GRM7: variants seen among roughly 807,000 people sequenced by gnomAD.
GRM7 encodes the protein metabotropic glutamate receptor 7.
A neutral mutation model predicts 84.5 loss-of-function variants in GRM7; 35 were observed. The ratio of observed to expected loss-of-function variants is 0.41; its 90% CI spans 0.32 to 0.55. GRM7 has a LOEUF of 0.55. Ranked by LOEUF, GRM7 falls within the 20% of genes least tolerant of loss-of-function variation. GRM7 has a pLI of 0.19. For synonymous variants in GRM7, 487 were observed against 455.1 expected, an observed-to-expected ratio of 1.07 and a Z score of -0.89; for missense variants, 1,003 against 1,194.6, an observed-to-expected ratio of 0.84 and a Z score of 2.36.
intron 1 of GRM7, among the ~76,000 whole-genome samples, chr3:7,067,719 G>T (rs1697718558): frequency 6.6e-6 from 1 of 151,908 alleles, no homozygotes; most frequent in Admixed American, 6.6e-5. Flanking sequence ...CTATTGGCCA[G>T]AATTTAGTCG....
At chr3:7,140,027 A>G (rs1480424899) in intron 1 of GRM7, among the ~76,000 whole-genome samples, 1 of 152,050 alleles carries the variant, frequency 6.6e-6, no homozygotes, top group Non-Finnish European at 1.5e-5. Flanking sequence ...TCTTCAAAGG[A>G]GACCTACAAA....
chr3:7,491,475 G>C (rs17047461), intron 7 of GRM7, among the ~76,000 whole-genome samples: 2,239 of 152,104 alleles, frequency 0.015, 26 homozygotes, highest in African/African-American at 0.036. Context: ...AAGATCCTCT[G>C]GTTTGTAATT....
At chr3:7,659,464 TCA>T (rs1699340900) in intron 8 of GRM7, among the ~76,000 whole-genome samples, 1 of 126,102 alleles carries the variant, frequency 7.9e-6, no homozygotes. Context: ...TTTAAAGCAA[TCA>T]CATATGTAAA....
At chr3:7,626,855 T>C (rs2125092890) in intron 8 of GRM7, among the ~76,000 whole-genome samples, 1 of 152,150 alleles carries the variant, frequency 6.6e-6, no homozygotes, top group Non-Finnish European at 1.5e-5. Flanking sequence ...ATCAAATATT[T>C]TGTCATGTCA....
At chr3:7,470,117 C>A (rs376040261) in intron 7 of GRM7, among the ~76,000 whole-genome samples, 2 of 152,328 alleles carry the variant, frequency 1.3e-5, no homozygotes, top group Middle Eastern at 3.4e-3. Flanking sequence ...TCCTACCACT[C>A]TCTTACATAA....
intron 8 of GRM7, among the ~76,000 whole-genome samples, chr3:7,618,786 A>C (rs1697230079): frequency 6.6e-6 from 1 of 152,126 alleles, no homozygotes; most frequent in Non-Finnish European, 1.5e-5. Context: ...TGACAATTAC[A>C]GTGGGCTGGA....
At chr3:7,120,385 C>T (rs1693177394) in intron 1 of GRM7, among the ~76,000 whole-genome samples, 1 of 151,882 alleles carries the variant, frequency 6.6e-6, no homozygotes, top group African/African-American at 2.4e-5. Context: ...TTGGGGTACC[C>T]ACTCTCTATC....
chr3:7,016,120 ATC>A (rs35271781), intron 1 of GRM7, among the ~76,000 whole-genome samples: 151,295 of 152,308 alleles, frequency 0.99, 75,149 homozygotes, highest in African/African-American at 1. Context: ...AAGGGCTTTG[ATC>A]TATCTGGGCT....
intron 1 of GRM7, among the ~76,000 whole-genome samples, chr3:6,933,439 C>T (rs1697578656): frequency 6.6e-6 from 1 of 152,036 alleles, no homozygotes; most frequent in South Asian, 2.1e-4. Flanking sequence ...GTATTTAAAT[C>T]CAATAGATGC....
intron 9 of GRM7, among the ~76,000 whole-genome samples, chr3:7,716,673 T>C (rs1003182125): frequency 1.3e-5 from 2 of 152,198 alleles, no homozygotes; most frequent in Admixed American, 1.3e-4. Context: ...TCCCATGGGT[T>C]GAATGATGCT....
At chr3:7,301,593 G>T (rs1338594140) in intron 3 of GRM7, among the ~76,000 whole-genome samples, 6 of 152,086 alleles carry the variant, frequency 3.9e-5, no homozygotes, top group African/African-American at 1.4e-4. Flanking sequence ...CAAGTAATGT[G>T]AGTTTTTCAT....
intron 1 of GRM7, among the ~76,000 whole-genome samples, chr3:6,895,614 C>G (rs1056412148): frequency 1.3e-5 from 2 of 152,080 alleles, no homozygotes; most frequent in Non-Finnish European, 2.9e-5. Context: ...ATACCAAAGA[C>G]CACAATTTTA....
chr3:7,112,327 C>A (rs1460280031), intron 1 of GRM7, among the ~76,000 whole-genome samples: 1 of 151,758 alleles, frequency 6.6e-6, no homozygotes, highest in Non-Finnish European at 1.5e-5. Context: ...CAGGTTCAAG[C>A]GATTCTCCTG....
At chr3:7,287,266 C>G (rs1699463796) in intron 2 of GRM7, among the ~76,000 whole-genome samples, 1 of 152,124 alleles carries the variant, frequency 6.6e-6, no homozygotes, top group African/African-American at 2.4e-5. Flanking sequence ...TTGGTAGCCC[C>G]TTTTGTGACT....
intron 7 of GRM7, among the ~76,000 whole-genome samples, chr3:7,516,429 A>G (rs1252634538): frequency 1.5e-5 from 2 of 133,752 alleles, no homozygotes; most frequent in African/African-American, 5.5e-5. Context: ...GTGAGCCGAT[A>G]TCGTGCCCCT....
At chr3:7,093,097 A>G (rs577249282) in intron 1 of GRM7, among the ~76,000 whole-genome samples, 2 of 152,294 alleles carry the variant, frequency 1.3e-5, no homozygotes, top group Admixed American at 1.3e-4. Flanking sequence ...AGCGACAACA[A>G]CAATAAAAAG....
intron 4 of GRM7, among the ~76,000 whole-genome samples, chr3:7,324,806 T>C (rs1700921820): frequency 1.3e-5 from 2 of 152,142 alleles, no homozygotes; most frequent in African/African-American, 4.8e-5. Flanking sequence ...TGTTGAGTCA[T>C]AGACAAATCT....
chr3:7,343,402 C>T (rs530123714), intron 4 of GRM7, among the ~76,000 whole-genome samples: 225 of 151,972 alleles, frequency 1.5e-3, no homozygotes, highest in African/African-American at 4.9e-3. Flanking sequence ...TTTGTGGAGA[C>T]GGGGTCTCAC....
At chr3:7,701,704 G>A (rs1008826738) in intron 9 of GRM7, among the ~76,000 whole-genome samples, 16 of 152,126 alleles carry the variant, frequency 1.1e-4, no homozygotes, top group African/African-American at 3.9e-4. Context: ...ACTCCCTGTG[G>A]ATGGTCAGTT....
Sources: gnomAD v4.1 joint callset for allele counts (sites outside exome capture counted in the v4.1 genomes callset) on GRCh38, gnomAD v4.1.1 for gene constraint, MANE v1.5 for transcripts, NCBI Gene and HGNC (gene_info 2026-07-23, HGNC 2026-07-21) for gene names.